The following ZFPM2 variants were observed in gnomAD, a reference collection of about 807,000 sequenced individuals.
ZFPM2 encodes zinc finger protein, FOG family member 2, also known as zinc finger protein ZFPM2.
ZFPM2 carries 20 observed loss-of-function variants against 98.6 expected under a neutral mutation model. The observed-to-expected ratio is 0.20, with a 90% CI of 0.14 to 0.29. The LOEUF (loss-of-function observed/expected upper bound fraction) is 0.29, where lower values mean the gene tolerates loss of function less well. Ranked by LOEUF, ZFPM2 falls within the 10% of genes least tolerant of loss-of-function variation. The pLI, the probability that ZFPM2 is intolerant of heterozygous loss-of-function variation, is 1.00. For synonymous variants in ZFPM2, 518 were observed against 502.7 expected (o/e 1.03, Z -0.41); for missense variants, 1,310 against 1,388.6 (o/e 0.94, Z 0.90).
intron 3 of ZFPM2, among the ~76,000 whole-genome samples, chr8:105,510,524 AT>A (rs2130505835): frequency 6.6e-6 from 1 of 152,124 alleles, no homozygotes; most frequent in East Asian, 1.9e-4. Context: ...AAAGTGACTG[AT>A]TATGGTTAAA....
At chr8:105,419,361 T>TA (rs11454988) in intron 2 of ZFPM2, 59 bp downstream of exon 2, 369,541 of 1,567,474 alleles carry the variant, frequency 0.24, 50,896 homozygotes, top group African/African-American at 0.61. Context: ...TGTAATGTTT[T>TA]AAAAAAATGC....
At position 105,679,922 on chromosome 8, in the gene ZFPM2, A is replaced by T. The variant is rs79878492; in HGVS notation, c.532+45565A>T. On this transcript the variant is annotated intron_variant, in intron 5 of 7. Transcript: ENST00000407775. The stretch of plus-strand genomic sequence containing the variant: ...AGGAAAATAGACTTTATATTTCTTC[A>T]AGAAACTTTACTCATGAGAGCTTAA... 2.0e-3 allele frequency among the ~76,000 whole-genome samples: 308 copies of T among 152,284 alleles called. 2 individuals carry two copies. The highest frequency in any genetic ancestry group is 3.4e-3 in the Non-Finnish European group (234 of 68,004).
chr8:105,396,412 G>A (rs1412963883), intron 1 of ZFPM2, among the ~76,000 whole-genome samples: 4 of 152,168 alleles, frequency 2.6e-5, no homozygotes, highest in Non-Finnish European at 5.9e-5. Context: ...CCTATTCAGT[G>A]TGATTCCTTG....
intron 4 of ZFPM2, among the ~76,000 whole-genome samples, chr8:105,563,836 T>G (rs1815189453): frequency 6.6e-6 from 1 of 152,158 alleles, no homozygotes; most frequent in Admixed American, 6.5e-5. Context: ...CTTTAATCAT[T>G]TGTATATTTC....
chr8:105,670,682 A>G (rs1817578652), intron 5 of ZFPM2, among the ~76,000 whole-genome samples: 1 of 152,110 alleles, frequency 6.6e-6, no homozygotes, highest in Non-Finnish European at 1.5e-5. Flanking sequence ...TTCATTGCAT[A>G]TGTATATATT....
chr8:105,565,416 A>C (rs1341948869), intron 4 of ZFPM2, among the ~76,000 whole-genome samples: 2 of 152,174 alleles, frequency 1.3e-5, no homozygotes, highest in Non-Finnish European at 2.9e-5. Flanking sequence ...AAATACTTTC[A>C]TTGGGCCAGA....
rs186210403 is a variant in ZFPM2, at chr8:105,665,163, C to T, written c.532+30806C>T. Among the ~76,000 whole-genome samples the T allele has an allele frequency of 8.7e-4, 133 of 152,150 alleles. 1 individual carries two copies. The highest frequency in any genetic ancestry group is 1.6e-3 in the Non-Finnish European group (110 of 67,990). On this transcript the variant is annotated intron_variant, in intron 5 of 7. Transcript: ENST00000407775. ...GAGGAAGCCAAGGAATGCCAATTAG[C>T]TTTTTATAACAATCCACTCTCATGA... is the stretch of plus-strand genomic sequence containing the variant.
chr8:105,632,641 G>A (rs545258159), intron 4 of ZFPM2, among the ~76,000 whole-genome samples: 32 of 152,152 alleles, frequency 2.1e-4, no homozygotes, highest in African/African-American at 6.0e-4. Context: ...ATAATGCTTC[G>A]TCAGACTGAT....
intron 3 of ZFPM2, among the ~76,000 whole-genome samples, chr8:105,467,381 A>T (rs542224543): frequency 4.6e-5 from 7 of 152,222 alleles, no homozygotes; most frequent in African/African-American, 1.7e-4. Context: ...GACACACAAG[A>T]TACTTATACC....
Position 105,788,923 on chromosome 8 carries a change from T to TAGTA in ZFPM2, c.739+3_739+6dup, listed in dbSNP as rs781733892. The TAGTA allele has an allele frequency of 2.5e-6, 4 of 1,612,932 alleles. No homozygotes were observed. The South Asian group carries it at 4.4e-5, about 18-fold the overall frequency. ...CTATTTTGCCCACAGCTATTGTCAATAGTAAGTGCTCAGTGCTGTGTAGCC... is the reference window on the plus strand; with the variant it reads ...CTATTTTGCCCACAGCTATTGTCAATAGTAAGTAAGTGCTCAGTGCTGTGTAGCC... On this transcript the variant is annotated frameshift_variant and splice_region_variant, in exon 6 of 8. Transcript: ENST00000407775. LOFTEE classifies it high-confidence loss of function.
intron 5 of ZFPM2, among the ~76,000 whole-genome samples, chr8:105,744,731 G>T (rs545628814): frequency 0.46 from 431 of 942 alleles, 2 homozygotes; most frequent in African/African-American, 0.49. Flanking sequence ...AAGTTTTCTA[G>T]CCGGAAAAAC....
intron 1 of ZFPM2, among the ~76,000 whole-genome samples, chr8:105,400,112 C>G (rs1811307491): frequency 6.6e-6 from 1 of 151,926 alleles, no homozygotes; most frequent in East Asian, 1.9e-4. Context: ...AATTTATGTC[C>G]ATCTATTTAT....
intron 5 of ZFPM2, among the ~76,000 whole-genome samples, chr8:105,669,030 C>T (rs1442328): frequency 6.6e-6 from 1 of 152,014 alleles, no homozygotes; most frequent in Non-Finnish European, 1.5e-5. Flanking sequence ...ATTATTCAAC[C>T]TGAGGACTAC....
intron 1 of ZFPM2, among the ~76,000 whole-genome samples, chr8:105,381,271 C>T (rs1257781140): frequency 2.6e-5 from 4 of 151,864 alleles, no homozygotes; most frequent in African/African-American, 9.7e-5. Flanking sequence ...CATGAAAGGA[C>T]ATGAACTCAT....
intron 5 of ZFPM2, among the ~76,000 whole-genome samples, chr8:105,675,351 A>G (rs1001101743): frequency 3.9e-5 from 6 of 152,188 alleles, no homozygotes; most frequent in African/African-American, 1.4e-4. Flanking sequence ...TTTAGGAGTG[A>G]TATCAGTAAA....
At chr8:105,497,060 A>C (rs1207373269) in intron 3 of ZFPM2, among the ~76,000 whole-genome samples, 1 of 149,276 alleles carries the variant, frequency 6.7e-6, no homozygotes, top group Non-Finnish European at 1.5e-5. Flanking sequence ...ATCTGGGCTC[A>C]CTGTGAGCTC....
At position 105,361,980 on chromosome 8, in the gene ZFPM2, G is replaced by C. The variant is rs111382248; in HGVS notation, c.40+42999G>C. ...TGCAGCCTGGGCAGGTTTACTCTAT[G>C]ATGTTACATAACAATGAAATCACCT... On this transcript the variant is annotated intron_variant, in intron 1 of 7. Coordinates refer to ENST00000407775, the MANE Select transcript of ZFPM2 (RefSeq NM_012082.4). Among the ~76,000 whole-genome samples, 694 of 152,160 alleles carry C rather than the reference G, an allele frequency of 4.6e-3. 11 individuals carry two copies. The highest frequency in any genetic ancestry group is 0.016 in the African/African-American group (665 of 41,472).
intron 4 of ZFPM2, among the ~76,000 whole-genome samples, chr8:105,568,164 A>T (rs1815279204): frequency 6.6e-6 from 1 of 152,104 alleles, no homozygotes; most frequent in African/African-American, 2.4e-5. Context: ...AAATAAAAAA[A>T]TCTCTAACCT....
At chr8:105,356,351 C>T (rs1812746092) in intron 1 of ZFPM2, among the ~76,000 whole-genome samples, 1 of 152,218 alleles carries the variant, frequency 6.6e-6, no homozygotes, top group South Asian at 2.1e-4. Flanking sequence ...GCACCTAACA[C>T]ATTGGCTTGT....
Sources: gnomAD v4.1 joint callset for allele counts (sites outside exome capture counted in the v4.1 genomes callset) on GRCh38, gnomAD v4.1.1 for gene constraint, MANE v1.5 for transcripts, NCBI Gene and HGNC (gene_info 2026-07-23, HGNC 2026-07-21) for gene names.